Variants in EP400 observed in about 807,000 individuals in gnomAD.
EP400 encodes the protein E1A-binding protein p400.
EP400 carries 105 observed loss-of-function variants against 354.1 expected under a neutral mutation model. The observed-to-expected ratio is 0.30, with a 90% CI of 0.25 to 0.35. The LOEUF (loss-of-function observed/expected upper bound fraction) is 0.35, where lower values mean the gene tolerates loss of function less well. Ranked by LOEUF, EP400 falls within the 10% of genes least tolerant of loss-of-function variation. The pLI is 1.00. For missense variants in EP400, 3,280 were observed against 4,121.0 expected, an observed-to-expected ratio of 0.80 and a Z score of 5.59; for synonymous variants, 1,646 against 1,716.9, an observed-to-expected ratio of 0.96 and a Z score of 1.02.
intron 2 of EP400, among the ~76,000 whole-genome samples, chr12:131,967,171 A>G (rs1179207323): frequency 6.6e-6 from 1 of 151,606 alleles, no homozygotes. Flanking sequence ...ACTTGAGGTC[A>G]GGAGTTCGAG....
intron 1 of EP400, among the ~76,000 whole-genome samples, chr12:131,951,374 G>C (rs1326430266): frequency 2.0e-5 from 3 of 151,584 alleles, no homozygotes; most frequent in Non-Finnish European, 4.4e-5. Flanking sequence ...TTTGAGTTGG[G>C]GTCTTGCTGT....
At position 132,030,139 on chromosome 12, in the gene EP400, C is replaced by T; in HGVS notation, c.5735C>T (p.Ala1912Val). Residue 1912 changes from alanine to valine, a missense_variant, in exon 29 of 53, where the codon GCC (alanine) becomes GTC (valine). Physicochemically the swap from Ala to Val is moderately conservative, Grantham distance 64 (BLOSUM62 0). Around this residue, in one of 20 missense-constraint regions of EP400, gnomAD observed 459 missense variants for 496.9 expected, o/e 0.92. Coordinates refer to ENST00000389561, the MANE Select transcript of EP400 (RefSeq NM_015409.5). ...YLTYVRIDEN[A>V]SSEQRQELMR... is the part of the protein sequence containing the mutation. The stretch of plus-strand genomic sequence containing the variant: ...ACCTATGTAAGAATCGATGAAAATG[C>T]CAGCAGTGAGCAACGGCAGGTGAGA... 1 of 1,614,174 alleles carries T rather than the reference C, an allele frequency of 6.2e-7. No individual in the cohort carries two copies. The highest frequency in any genetic ancestry group is 8.5e-7 in the Non-Finnish European group (1 of 1,180,030).
At chr12:131,982,613 A>G (rs1399864738) in intron 5 of EP400, 135 bp downstream of exon 5, 9 of 1,100,484 alleles carry the variant, frequency 8.2e-6, no homozygotes, top group South Asian at 6.7e-5. Flanking sequence ...ATTTAGAACA[A>G]TTACTCAATT....
rs764195112 is a variant in EP400 at position 132,020,188 on chromosome 12, G to A, written c.4417G>A (p.Ala1473Thr). Reference sequence around the variant, plus strand: ...CCCGCTTCGAGGACGGCCGCCCATCGCCACGTTCTCTGCCAATCCGGAGGC... The same window carrying A: ...CCCGCTTCGAGGACGGCCGCCCATCACCACGTTCTCTGCCAATCCGGAGGC... ...QGPLRGRPPI[A>T]TFSANPEAKA... Residue 1473 changes from alanine to threonine, a missense_variant, in exon 22 of 53, where the codon GCC (alanine) becomes ACC (threonine). This residue lies in a region of EP400 where 342 missense variants were observed against 342.7 expected (regional missense o/e 1.00). Transcript: ENST00000389561. 2.4e-5 allele frequency: 39 copies of A among 1,609,444 alleles called. No homozygotes were observed. The highest frequency in any genetic ancestry group is 3.4e-5 in the Admixed American group (2 of 59,224).
chr12:132,045,634 A>G (rs1895070207), intron 38 of EP400, 74 bp downstream of exon 38: 3 of 1,603,422 alleles, frequency 1.9e-6, no homozygotes, highest in East Asian at 2.2e-5. Context: ...CATCCAGCTC[A>G]CTGTGATCAC....
chr12:132,077,747 T>G lies in EP400; in HGVS notation c.*74T>G, dbSNP rs890239378. 4.1e-6 allele frequency: 6 copies of G among 1,454,396 alleles called. No homozygotes were observed. Among genetic ancestry groups the G allele is most frequent in the Non-Finnish European group, 5.5e-6 (6 of 1,097,848 alleles). The allele number at this position is 1,454,396 out of a possible 1,614,324, so 90.1% of individuals were successfully genotyped here. Reference sequence around the variant, plus strand: ...CAGAAAACGCTTTATTAGTGAACCTTGGGACCATGTCACGCAAGAGATTCA... The same window carrying G: ...CAGAAAACGCTTTATTAGTGAACCTGGGGACCATGTCACGCAAGAGATTCA... On this transcript the variant is annotated 3_prime_UTR_variant, in exon 53 of 53. Transcript: ENST00000389561.
chr12:132,040,819 C>T (rs1894875727), intron 32 of EP400, among the ~76,000 whole-genome samples: 1 of 152,062 alleles, frequency 6.6e-6, no homozygotes, highest in Admixed American at 6.6e-5. Context: ...TGTAGGGAGC[C>T]CTTGGAAGGG....
At chr12:131,966,038 CAAAAAAA>C (rs542519203) in intron 2 of EP400, among the ~76,000 whole-genome samples, 12 of 108,794 alleles carry the variant, frequency 1.1e-4, no homozygotes, top group African/African-American at 3.8e-4. Context: ...TGGCTGATTT[CAAAAAAA>C]AAAAAAAAGA....
chr12:132,044,441 C>A, intron 35 of EP400, 130 bp downstream of exon 35: 2 of 1,336,682 alleles, frequency 1.5e-6, no homozygotes, highest in Non-Finnish European at 2.0e-6. Flanking sequence ...CTTCTCATAT[C>A]AACACAACCT....
At position 132,018,548 on chromosome 12, in the gene EP400, A is replaced by G. The variant is rs1323304551; in HGVS notation, c.4277+172A>G. On this transcript the variant is annotated intron_variant, in intron 21 of 52. Coordinates refer to ENST00000389561, the MANE Select transcript of EP400 (RefSeq NM_015409.5). The surrounding 1 kb of genome is among the most constrained non-coding windows in gnomAD (Gnocchi z 4.0). The stretch of plus-strand genomic sequence containing the variant: ...ATGCCTGGCTCTGCAGATGCCTTTT[A>G]GGCTGTGTGGTGCAGTGCAACTGCT... 6.6e-6 allele frequency among the ~76,000 whole-genome samples: 1 copy of G among 152,192 alleles called. No homozygotes were observed. Among genetic ancestry groups the G allele is most frequent in the Admixed American group, 6.5e-5 (1 of 15,290 alleles).
Position 132,079,634 on chromosome 12 carries a change from C to T in EP400, c.*1961C>T, listed in dbSNP as rs1354316431. ...CTAGACATAACTGTCTAAGTAAAAG[C>T]GCTCTATTAATCTAAAACACTACAA... On this transcript the variant is annotated 3_prime_UTR_variant, in exon 53 of 53. Transcript: ENST00000389561. 9 of 152,220 alleles carry T rather than the reference C, an allele frequency of 5.9e-5. No individual in the cohort carries two copies. Among genetic ancestry groups the T allele is most frequent in the Admixed American group, 1.3e-4 (2 of 15,286 alleles). The allele number at this position is 152,220 out of a possible 1,614,324, so 9.4% of individuals were successfully genotyped here.
intron 39 of EP400, among the ~76,000 whole-genome samples, chr12:132,048,541 G>C (rs1202060539): frequency 8.8e-6 from 1 of 113,648 alleles, no homozygotes; most frequent in African/African-American, 3.5e-5. Flanking sequence ...TTTTTTTTTA[G>C]ACGGGAATTT....
chr12:132,055,803 A>T (rs79661998), intron 45 of EP400, among the ~76,000 whole-genome samples: 2 of 151,456 alleles, frequency 1.3e-5, no homozygotes, highest in South Asian at 4.1e-4. Flanking sequence ...ATGATTTTAG[A>T]TAGGAGGTAG....
chr12:132,030,512 T>A (rs1894453030), intron 29 of EP400, among the ~76,000 whole-genome samples: 1 of 152,202 alleles, frequency 6.6e-6, no homozygotes, highest in Admixed American at 6.5e-5. Flanking sequence ...ATTGTTTACT[T>A]ACAAGATTTG....
chr12:132,003,832 C>T (rs1893496780), intron 12 of EP400, among the ~76,000 whole-genome samples: 1 of 152,242 alleles, frequency 6.6e-6, no homozygotes, highest in South Asian at 2.1e-4. Flanking sequence ...AAATATTTAA[C>T]ATCCTGAGCA....
chr12:132,043,473 GT>G lies in EP400; in HGVS notation c.6366+15del. 1 of 1,610,322 alleles carries G rather than the reference GT, an allele frequency of 6.2e-7. No individual in the cohort carries two copies. Among genetic ancestry groups the G allele is most frequent in the South Asian group, 1.1e-5 (1 of 89,994 alleles). Reference sequence around the variant, plus strand: ...GACTTCATGGAGCAGGTTTGGGCATGTTTTCCTTTACAACTACATATTTTAA... The same window carrying G: ...GACTTCATGGAGCAGGTTTGGGCATGTTTCCTTTACAACTACATATTTTAA... On this transcript the variant is annotated intron_variant, in intron 33 of 52. Transcript: ENST00000389561.
intron 30 of EP400, among the ~76,000 whole-genome samples, chr12:132,033,767 A>G (rs1172351445): frequency 6.6e-6 from 1 of 152,020 alleles, no homozygotes; most frequent in Non-Finnish European, 1.5e-5. Flanking sequence ...CCTGGGCTCA[A>G]ACAGTCAGCC....
At chr12:132,004,225 A>G (rs942060393) in intron 12 of EP400, among the ~76,000 whole-genome samples, 3 of 152,214 alleles carry the variant, frequency 2.0e-5, no homozygotes, top group African/African-American at 7.2e-5. Flanking sequence ...AATTCATAAT[A>G]ATTTCCCAGT....
intron 14 of EP400, 144 bp downstream of exon 14, chr12:132,006,446 T>G: frequency 9.2e-7 from 1 of 1,086,592 alleles, no homozygotes; most frequent in Non-Finnish European, 1.3e-6. Context: ...TTCATGTGCC[T>G]GTAGTCCCAG....
Sources: allele counts gnomAD v4.1 joint callset (sites outside exome capture counted in the v4.1 genomes callset), GRCh38; gene constraint gnomAD v4.1.1; regional missense constraint gnomAD v4.1.1; non-coding constraint Gnocchi (gnomAD v3.1); transcripts MANE v1.5; gene names NCBI Gene and HGNC (gene_info 2026-07-23, HGNC 2026-07-21).